The following PSORS1C1 variants were observed in gnomAD, a reference collection of about 807,000 sequenced individuals.
PSORS1C1 encodes the protein psoriasis susceptibility 1 candidate gene 1 protein.
PSORS1C1 carries 7 observed loss-of-function variants against 9.4 expected under a neutral mutation model. The ratio of observed to expected loss-of-function variants is 0.75; its 90% confidence interval spans 0.42 to 1.40. PSORS1C1 has a LOEUF of 1.40. Ranked by LOEUF, PSORS1C1 falls within the 40% of genes most tolerant of loss-of-function variation. The pLI is 0.01. For synonymous variants in PSORS1C1, 63 were observed against 69.4 expected, an observed-to-expected ratio of 0.91 and a Z score of 0.46; for missense variants, 146 against 178.1, an observed-to-expected ratio of 0.82 and a Z score of 1.02.
chr6:31,126,860 G>A (rs1354359355), intron 2 of PSORS1C1, among the ~76,000 whole-genome samples: 1 of 151,318 alleles, frequency 6.6e-6, no homozygotes, highest in South Asian at 2.1e-4. Flanking sequence ...CTCCCTGGCC[G>A]AAGCCTTCCT....
In PSORS1C1 at chr6:31,115,800, G is replaced by C. The variant is rs537724004; in HGVS notation, c.-229+909G>C. Reference sequence around the variant, plus strand: ...GAATGGGAATTTAAACAGTAGGAGAGAATCAAGAGAGGAGCTTTGAATCTA... The same window carrying C: ...GAATGGGAATTTAAACAGTAGGAGACAATCAAGAGAGGAGCTTTGAATCTA... On this transcript the variant is annotated intron_variant, in intron 1 of 5. Coordinates refer to ENST00000259881, the MANE Select transcript of PSORS1C1 (RefSeq NM_014068.3). This position sits in a 1 kb window ranked among gnomAD's most constrained non-coding sequence, Gnocchi z 4.2. 4 of 577,940 alleles carry C rather than the reference G, an allele frequency of 6.9e-6. No homozygotes were observed. The highest frequency in any genetic ancestry group is 2.9e-5 in the Admixed American group (1 of 34,352). 35.8% of individuals were successfully genotyped at this position (577,940 alleles called of 1,614,324 possible). A position where few individuals can be genotyped will look rare whatever the true frequency, so the allele number is the denominator to read the frequency against.
At chr6:31,121,569 C>T (rs759216019) in intron 1 of PSORS1C1, among the ~76,000 whole-genome samples, 5 of 152,144 alleles carry the variant, frequency 3.3e-5, no homozygotes, top group Non-Finnish European at 7.4e-5. Flanking sequence ...ATTAATTGCT[C>T]ACTAGTATTG....
chr6:31,135,873 A>AAAACG (rs984716722), intron 3 of PSORS1C1, among the ~76,000 whole-genome samples: 2 of 151,762 alleles, frequency 1.3e-5, no homozygotes, highest in African/African-American at 4.8e-5. Context: ...CCCATCTCTA[A>AAAACG]AAACAAAACA....
chr6:31,128,643 A>G lies in PSORS1C1; in HGVS notation c.-64-926A>G, dbSNP rs1338390329. Among the ~76,000 whole-genome samples, 1 of 152,182 alleles carries G rather than the reference A, an allele frequency of 6.6e-6. No individual in the cohort carries two copies. On this transcript the variant is annotated intron_variant, in intron 2 of 5. Transcript: ENST00000259881. The surrounding 1 kb of genome is among the most constrained non-coding windows in gnomAD (Gnocchi z 4.3). ...AATTCAGCAAGTTTTTTGAGTTTTG[A>G]TTCAGTGCCAGGCACCTGGTGGGCA...
intron 3 of PSORS1C1, 28 bp from the exon 4 acceptor site, chr6:31,138,402 G>C (rs1052891639): frequency 3.1e-6 from 5 of 1,612,382 alleles, no homozygotes; most frequent in Non-Finnish European, 4.2e-6. Context: ...TGTCTGGATG[G>C]ACGCAGCCTG....
intron 1 of PSORS1C1, chr6:31,116,918 C>T: frequency 1.2e-6 from 2 of 1,614,124 alleles, no homozygotes; most frequent in Non-Finnish European, 1.7e-6. Context: ...GAGTGCGAGA[C>T]GATGGGCCCT....
Position 31,115,084 on chromosome 6 carries a change from C to T in PSORS1C1, c.-229+193C>T, listed in dbSNP as rs889042751. On this transcript the variant is annotated intron_variant, in intron 1 of 5. Coordinates refer to ENST00000259881, the MANE Select transcript of PSORS1C1 (RefSeq NM_014068.3). This position sits in a 1 kb window ranked among gnomAD's most constrained non-coding sequence, Gnocchi z 4.2. ...GGAAGGATCTGGGAGGCCAGGCAAT[C>T]TCTGCTTTCAGTTCAACAAATATTT... 1 of 356,988 alleles carries T rather than the reference C, an allele frequency of 2.8e-6. No individual in the cohort carries two copies. Among genetic ancestry groups the T allele is most frequent in the Non-Finnish European group, 5.5e-6 (1 of 181,684 alleles). The allele number at this position is 356,988 out of a possible 1,614,324, so 22.1% of individuals were successfully genotyped here.
chr6:31,116,946 G>T (rs117764398), intron 1 of PSORS1C1: 2 of 1,614,170 alleles, frequency 1.2e-6, no homozygotes, highest in Admixed American at 1.7e-5. Flanking sequence ...AGGGAGAGTC[G>T]GGGATGTCCG....
intron 1 of PSORS1C1, chr6:31,117,355 C>G (rs988239409): frequency 3.8e-6 from 6 of 1,577,446 alleles, no homozygotes; most frequent in Non-Finnish European, 5.2e-6. Flanking sequence ...ACCACTGGAG[C>G]CACCACCAGA....
At chr6:31,116,772 C>T (rs768688307) in intron 1 of PSORS1C1, 5 of 1,613,296 alleles carry the variant, frequency 3.1e-6, no homozygotes, top group Admixed American at 3.3e-5. Flanking sequence ...GGGGACAGGG[C>T]TTGCCTGGAA....
Position 31,117,165 on chromosome 6 carries a change from GCTT to G in PSORS1C1, c.-229+2276_-229+2278del, listed in dbSNP as rs34182778. ...TGCTGCTGCTCGAATGAGAGCTGCT[GCTT>G]CCCGAGTGAGAGCCGCTGTTTCCCG... On this transcript the variant is annotated intron_variant, in intron 1 of 5. Transcript: ENST00000259881. 0.23 allele frequency: 378,688 copies of G among 1,613,468 alleles called. 47,278 individuals are homozygous for G. The highest frequency in any genetic ancestry group is 0.25 in the Non-Finnish European group (300,361 of 1,179,550).
At chr6:31,130,340 C>A (rs1185667248) in intron 3 of PSORS1C1, among the ~76,000 whole-genome samples, 1 of 151,740 alleles carries the variant, frequency 6.6e-6, no homozygotes, top group Non-Finnish European at 1.5e-5. Context: ...CCAGCTTCAA[C>A]CTCTCATGCT....
At chr6:31,116,148 G>A in intron 1 of PSORS1C1, 1 of 1,611,140 alleles carries the variant, frequency 6.2e-7, no homozygotes. Context: ...TTCCAGCACT[G>A]CTGGAGCCAC....
At chr6:31,124,593 C>T (rs1772600986) in intron 1 of PSORS1C1, among the ~76,000 whole-genome samples, 1 of 152,214 alleles carries the variant, frequency 6.6e-6, no homozygotes, top group South Asian at 2.1e-4. Context: ...GGTTCATGGA[C>T]AGGCTTAAGA....
At position 31,117,164 on chromosome 6, in the gene PSORS1C1, T is replaced by TGCCCGAGTGAGAGCC. The variant is rs1174640748; in HGVS notation, c.-229+2275_-229+2276insCCGAGTGAGAGCCGC. 1.1e-5 allele frequency: 17 copies of TGCCCGAGTGAGAGCC among 1,606,308 alleles called. No individual in the cohort carries two copies. The East Asian group carries it at 2.2e-4, about 21-fold the overall frequency. On this transcript the variant is annotated intron_variant, in intron 1 of 5. Transcript: ENST00000259881. Reference sequence around the variant, plus strand: ...CTGCTGCTGCTCGAATGAGAGCTGCTGCTTCCCGAGTGAGAGCCGCTGTTT... The same window carrying TGCCCGAGTGAGAGCC: ...CTGCTGCTGCTCGAATGAGAGCTGCTGCCCGAGTGAGAGCCGCTTCCCGAGTGAGAGCCGCTGTTT...
intron 1 of PSORS1C1, among the ~76,000 whole-genome samples, chr6:31,120,857 T>C (rs1257135192): frequency 6.6e-6 from 1 of 151,998 alleles, no homozygotes; most frequent in Non-Finnish European, 1.5e-5. Flanking sequence ...GTTTCAGCTT[T>C]TTCTTCCACA....
rs148095595 is a variant in PSORS1C1 at position 31,139,016 on chromosome 6, T to C, written c.167+237T>C. On this transcript the variant is annotated intron_variant, in intron 5 of 5. Coordinates refer to ENST00000259881, the MANE Select transcript of PSORS1C1 (RefSeq NM_014068.3). This position sits in a 1 kb window ranked among gnomAD's most constrained non-coding sequence, Gnocchi z 5.2. ...GACCAGGATCCCCAGGAGCTTCCAG[T>C]TGAGGATCATGGCTATGTACTGGCC... 5,904 of 1,614,052 alleles carry C rather than the reference T, an allele frequency of 3.7e-3. 44 individuals carry two copies. The highest frequency in any genetic ancestry group is 0.022 in the Middle Eastern group (135 of 6,060).
At chr6:31,138,889 C>T in intron 5 of PSORS1C1, 110 bp downstream of exon 5, 1 of 1,598,556 alleles carries the variant, frequency 6.3e-7, no homozygotes, top group Non-Finnish European at 8.6e-7. Flanking sequence ...CTGTCCCCAA[C>T]CCCATGCGTC....
In PSORS1C1 at chr6:31,115,901, C is replaced by A. The variant is rs1772081632; in HGVS notation, c.-229+1010C>A. The A allele has an allele frequency of 4.8e-6, 4 of 833,118 alleles. No individual in the cohort carries two copies. Among genetic ancestry groups the A allele is most frequent in the Non-Finnish European group, 8.0e-6 (4 of 500,814 alleles). The allele number at this position is 833,118 out of a possible 1,614,324, so 51.6% of individuals were successfully genotyped here. Reference sequence around the variant, plus strand: ...CTTGGGGTAGTGGAGAAAGCAGAACCACTCTTTTGGGAAGGAGGGAAACTG... The same window carrying A: ...CTTGGGGTAGTGGAGAAAGCAGAACAACTCTTTTGGGAAGGAGGGAAACTG... On this transcript the variant is annotated intron_variant, in intron 1 of 5. Coordinates refer to ENST00000259881, the MANE Select transcript of PSORS1C1 (RefSeq NM_014068.3). This position sits in a 1 kb window ranked among gnomAD's most constrained non-coding sequence, Gnocchi z 4.2.
Sources: gnomAD v4.1 joint callset for allele counts (sites outside exome capture counted in the v4.1 genomes callset) on GRCh38, gnomAD v4.1.1 for gene constraint, Gnocchi (gnomAD v3.1) non-coding constraint, MANE v1.5 for transcripts, NCBI Gene and HGNC (gene_info 2026-07-23, HGNC 2026-07-21) for gene names.